The following MX1 variants were observed in gnomAD, a reference collection of about 807,000 sequenced individuals.
MX1 encodes interferon-induced GTP-binding protein Mx1.
MX1 carries 66 observed loss-of-function variants against 66.4 expected under a neutral mutation model. The ratio of observed to expected loss-of-function variants is 0.99; its 90% CI spans 0.82 to 1.22. The LOEUF is 1.22. MX1 is among the 50% of genes most tolerant of loss of function. The pLI, the probability that MX1 is intolerant of heterozygous loss-of-function variation, is 0.00. For missense variants in MX1, 787 were observed against 834.3 expected (o/e 0.94, Z 0.70); for synonymous variants, 311 against 318.1 (o/e 0.98, Z 0.24).
At chr21:41,437,409 C>CG (rs1391799121) in intron 7 of MX1, among the ~76,000 whole-genome samples, 2 of 151,912 alleles carry the variant, frequency 1.3e-5, no homozygotes, top group African/African-American at 4.8e-5. Context: ...GAGGCTGACA[C>CG]GGGGGGATTG....
chr21:41,458,368 A>G (rs1402834816), intron 16 of MX1, among the ~76,000 whole-genome samples, 160 bp from the exon 17 acceptor site: 1 of 149,088 alleles, frequency 6.7e-6, no homozygotes, highest in African/African-American at 2.4e-5. Context: ...TGCCACCACC[A>G]TGGAGGAGAT....
In MX1 at chr21:41,458,843, T is replaced by G; in HGVS notation, c.*85T>G. On this transcript the variant is annotated 3_prime_UTR_variant, in exon 17 of 17. Coordinates refer to ENST00000398598, the MANE Select transcript of MX1 (RefSeq NM_002462.5). Reference sequence around the variant, plus strand: ...GCCACTGGACTGACGACTTGAGTGCTCAGTAGTCAGACTGGATAGTCCGTC... The same window carrying G: ...GCCACTGGACTGACGACTTGAGTGCGCAGTAGTCAGACTGGATAGTCCGTC... The G allele has an allele frequency of 6.6e-7, 1 of 1,518,946 alleles. No individual in the cohort carries two copies. Among genetic ancestry groups the G allele is most frequent in the Non-Finnish European group, 8.8e-7 (1 of 1,135,392 alleles). 94.1% of individuals were successfully genotyped at this position (1,518,946 alleles called of 1,614,324 possible).
At chr21:41,439,897 GAGTGGAGGGGT>G in intron 8 of MX1, 49 bp downstream of exon 8, 1 of 1,443,694 alleles carries the variant, frequency 6.9e-7, no homozygotes, top group Non-Finnish European at 9.6e-7. Flanking sequence ...GGGGATGGGG[GAGTGGAGGGGT>G]GGGAGGAGAA....
In MX1 at chr21:41,439,771, C is replaced by T. The variant is rs764691740; in HGVS notation, c.514C>T (p.Pro172Ser). 15 of 1,614,070 alleles carry T rather than the reference C, an allele frequency of 9.3e-6. No individual in the cohort carries two copies. In the South Asian group the frequency reaches 1.4e-4, roughly 15 times the overall value. ...ITLEISSRDVPDLTLIDLPGI... is the reference protein window; with the variant it reads ...ITLEISSRDVSDLTLIDLPGI... Reference sequence around the variant, plus strand: ...CCTGGAGATCAGCTCCCGAGATGTCCCGGATCTGACTCTAATAGACCTTCC... The same window carrying T: ...CCTGGAGATCAGCTCCCGAGATGTCTCGGATCTGACTCTAATAGACCTTCC... Residue 172 changes from proline to serine, a missense_variant, in exon 8 of 17, where the codon CCG becomes TCG. Pro to Ser is a moderately conservative substitution (Grantham distance 74). Transcript: ENST00000398598.
chr21:41,444,652 C>G (rs1297998995), intron 11 of MX1, among the ~76,000 whole-genome samples: 1 of 152,154 alleles, frequency 6.6e-6, no homozygotes, highest in Non-Finnish European at 1.5e-5. Flanking sequence ...GAGTGCAGAG[C>G]TCTCTGGGGT....
At chr21:41,440,167 A>G (rs1211148141) in intron 8 of MX1, among the ~76,000 whole-genome samples, 1 of 152,220 alleles carries the variant, frequency 6.6e-6, no homozygotes, top group South Asian at 2.1e-4. Flanking sequence ...AGTGCTGTGT[A>G]TTAGGAAGGG....
rs1036264349 is a variant in MX1 at position 41,430,593 on chromosome 21, G to A, written c.-37G>A. ...CTTGTTGACATTACTTTTATTTGAA[G>A]GAACGTATATTAGAGGTAAGTTGGT... On this transcript the variant is annotated 5_prime_UTR_variant, in exon 4 of 17. Transcript: ENST00000398598. The A allele has an allele frequency of 3.9e-5, 6 of 152,118 alleles. No individual in the cohort carries two copies. Among genetic ancestry groups the A allele is most frequent in the African/African-American group, 1.2e-4 (5 of 41,392 alleles). 9.4% of individuals were successfully genotyped at this position (152,118 alleles called of 1,614,324 possible). A position where few individuals can be genotyped will look rare whatever the true frequency, so the allele number is the denominator to read the frequency against.
chr21:41,438,587 G>GT (rs1443147356), intron 7 of MX1, among the ~76,000 whole-genome samples: 1 of 152,212 alleles, frequency 6.6e-6, no homozygotes, highest in African/African-American at 2.4e-5. Context: ...ACGTGGCACT[G>GT]TGTAACATCC....
intron 14 of MX1, chr21:41,449,873 C>CA: frequency 6.6e-6 from 1 of 152,182 alleles, no homozygotes; most frequent in South Asian, 2.1e-4. Context: ...AGGATTGACT[C>CA]AATCTCCAGG....
intron 8 of MX1, 66 bp from the exon 9 acceptor site, chr21:41,440,821 G>A (rs1243448983): frequency 1.9e-6 from 3 of 1,596,550 alleles, no homozygotes; most frequent in Non-Finnish European, 2.6e-6. Flanking sequence ...TGCAAGGTCA[G>A]GACTTGTCTC....
At chr21:41,433,353 G>A (rs2090275262) in intron 5 of MX1, among the ~76,000 whole-genome samples, 1 of 152,166 alleles carries the variant, frequency 6.6e-6, no homozygotes, top group African/African-American at 2.4e-5. Flanking sequence ...CATCCCCCTG[G>A]GAGCCACATG....
chr21:41,441,097 A>C lies in MX1; in HGVS notation c.730+72A>C. 7.3e-7 allele frequency: 1 copy of C among 1,371,964 alleles called. No individual in the cohort carries two copies. The highest frequency in any genetic ancestry group is 9.7e-7 in the Non-Finnish European group (1 of 1,031,218). 85.0% of individuals were successfully genotyped at this position (1,371,964 alleles called of 1,614,324 possible). On this transcript the variant is annotated intron_variant, in intron 9 of 16. Transcript: ENST00000398598. This position sits in a 1 kb window ranked among gnomAD's most constrained non-coding sequence, Gnocchi z 4.0. The stretch of plus-strand genomic sequence containing the variant: ...CGCCTGTGCTCGGTGAGAATGGGGG[A>C]GCCCACCTGTGCTCGGTGAGAATGG...
At position 41,436,066 on chromosome 21, in the gene MX1, G is replaced by A. The variant is rs759263171; in HGVS notation, c.298+37G>A. ...CATTCTGTGTTAGTCTGCTCAGGCT[G>A]CCATAACAAAATACCACAGACAGGG... On this transcript the variant is annotated intron_variant, in intron 6 of 16. Transcript: ENST00000398598. 1.9e-6 allele frequency: 3 copies of A among 1,598,482 alleles called. No individual in the cohort carries two copies. The South Asian group carries it at 3.3e-5, about 18-fold the overall frequency.
rs917933534 is a variant in MX1 at position 41,458,433 on chromosome 21, G to A, written c.1759-95G>A. 3 of 1,230,428 alleles carry A rather than the reference G, an allele frequency of 2.4e-6. No homozygotes were observed. In the African/African-American group the frequency reaches 4.6e-5, roughly 19 times the overall value. The allele number at this position is 1,230,428 out of a possible 1,614,324, so 76.2% of individuals were successfully genotyped here. On this transcript the variant is annotated intron_variant, in intron 16 of 16. Coordinates refer to ENST00000398598, the MANE Select transcript of MX1 (RefSeq NM_002462.5). ...TTGCCCTGCGAGGGTCTCCCTCATT[G>A]AGAATCTGGATCCCCTCATGTGCAC...
intron 3 of MX1, chr21:41,428,151 C>T (rs1283835103): frequency 6.6e-6 from 1 of 152,256 alleles, no homozygotes; most frequent in African/African-American, 2.4e-5. Flanking sequence ...AATGATCCAC[C>T]CGCCTTGGCT....
At chr21:41,455,518 A>G (rs1289717303) in intron 16 of MX1, among the ~76,000 whole-genome samples, 1 of 152,254 alleles carries the variant, frequency 6.6e-6, no homozygotes. Context: ...CTCCGAGCCA[A>G]GCAGCTCCCT....
In MX1 at chr21:41,432,157, C is replaced by T. The variant is rs919528981; in HGVS notation, c.87C>T (p.Ala29=). ...PLLLNGDATV[A]QKNPGSVAEN... ...TACTGAATGGAGATGCTACTGTGGC[C>T]CAGAAAAATCCAGGCTCGGTAAGTT... Residue 29 remains alanine, a synonymous_variant, in exon 5 of 17, where the codon GCC becomes GCT. Transcript: ENST00000398598. 8 of 1,613,924 alleles carry T rather than the reference C, an allele frequency of 5.0e-6. 1 individual carries two copies. The East Asian group carries it at 6.7e-5, about 13-fold the overall frequency.
chr21:41,435,695 C>A, intron 5 of MX1, 142 bp from the exon 6 acceptor site: 1 of 917,960 alleles, frequency 1.1e-6, no homozygotes, highest in Non-Finnish European at 1.7e-6. Flanking sequence ...AATCCAATTA[C>A]CTCCACCTGG....
chr21:41,424,160 C>A (rs1471146969), upstream of MX1, among the ~76,000 whole-genome samples: 1 of 152,136 alleles, frequency 6.6e-6, no homozygotes, highest in Admixed American at 6.5e-5. Context: ...CCAGCCTGCT[C>A]ACAGTCCCCC....
Sources: gnomAD v4.1 joint callset for allele counts (sites outside exome capture counted in the v4.1 genomes callset) on GRCh38, gnomAD v4.1.1 for gene constraint, Gnocchi (gnomAD v3.1) non-coding constraint, MANE v1.5 for transcripts, NCBI Gene and HGNC (gene_info 2026-07-23, HGNC 2026-07-21) for gene names.